Variants in EHD4 observed in about 807,000 individuals in gnomAD.
EHD4 encodes EH domain containing 4, also known as EH domain-containing protein 4.
Under a neutral mutation model 51.0 loss-of-function variants are expected in EHD4, and 37 were observed. That is an observed-to-expected ratio of 0.73 (90% confidence interval 0.56 to 0.95). EHD4 has a LOEUF of 0.95. EHD4 is among the 40% of genes least tolerant of loss of function. The probability of loss-of-function intolerance (pLI) is 0.00; values close to 1 mark genes in which losing one functional copy is unlikely to be tolerated. For synonymous variants in EHD4, 297 were observed against 317.3 expected, an observed-to-expected ratio of 0.94 and a Z score of 0.68; for missense variants, 632 against 733.1, an observed-to-expected ratio of 0.86 and a Z score of 1.59.
At chr15:41,971,599 T>C (rs1442573230) in intron 1 of EHD4, among the ~76,000 whole-genome samples, 1 of 152,216 alleles carries the variant, frequency 6.6e-6, no homozygotes. Context: ...ATGACCCACC[T>C]AAGAAATGGA....
At chr15:41,920,700 G>A (rs1220412684) in intron 3 of EHD4, among the ~76,000 whole-genome samples, 1 of 152,030 alleles carries the variant, frequency 6.6e-6, no homozygotes, top group Non-Finnish European at 1.5e-5. Flanking sequence ...ACCAAGTATC[G>A]TTTCTTTAGA....
Position 41,901,144 on chromosome 15 carries a change from G to T in EHD4, c.1127C>A (p.Ser376Ter). The T allele has an allele frequency of 6.4e-7, 1 of 1,571,972 alleles. No individual in the cohort carries two copies. The change falls in exon 6 of 6, where the codon TCG (serine) becomes TAG (stop). Residue 376 changes from serine (S) to a stop codon, truncating the protein, a stop_gained. Coordinates refer to ENST00000220325, the MANE Select transcript of EHD4 (RefSeq NM_139265.4). LOFTEE classifies it high-confidence loss of function. ...TGCCTCGATCAGCTTGGGCTTCAGCGAGTGGAATTTGGTGAAGTCATAGTT... is the reference window on the plus strand; with the variant it reads ...TGCCTCGATCAGCTTGGGCTTCAGCTAGTGGAATTTGGTGAAGTCATAGTT... ...LENYDFTKFH[S>*]LKPKLIEAVD...
In EHD4 at chr15:41,898,554, T is replaced by G. The variant is rs1426055747; in HGVS notation, c.*2091A>C. The G allele has an allele frequency of 6.6e-6, 1 of 152,236 alleles. No homozygotes were observed. The highest frequency in any genetic ancestry group is 6.5e-5 in the Admixed American group (1 of 15,284). The allele number at this position is 152,236 out of a possible 1,614,324, so 9.4% of individuals were successfully genotyped here. A position where few individuals can be genotyped will look rare whatever the true frequency, so the allele number is the denominator to read the frequency against. On this transcript the variant is annotated 3_prime_UTR_variant, in exon 6 of 6. Transcript: ENST00000220325. ...CACCGTGGCTGCAGACTTCAGGTGG[T>G]CCTCACGCATTCACAGAACTGTCTG... is the stretch of plus-strand genomic sequence containing the variant.
intron 3 of EHD4, among the ~76,000 whole-genome samples, chr15:41,927,472 G>A (rs1383151141): frequency 6.6e-6 from 1 of 152,166 alleles, no homozygotes; most frequent in African/African-American, 2.4e-5. Flanking sequence ...AACGGATAGA[G>A]AAAATGTGGT....
In EHD4 at chr15:41,909,688, G is replaced by A; in HGVS notation, c.1089+11C>T. On this transcript the variant is annotated intron_variant, in intron 5 of 5. Coordinates refer to ENST00000220325, the MANE Select transcript of EHD4 (RefSeq NM_139265.4). ...CCCTCTGCCCGTGACATTGTAGTGG[G>A]CTCCCAGTACCTGCATAGCCTTGAC... The A allele has an allele frequency of 6.2e-7, 1 of 1,613,966 alleles. No homozygotes were observed. The highest frequency in any genetic ancestry group is 8.5e-7 in the Non-Finnish European group (1 of 1,179,862).
chr15:41,972,345 C>T lies in EHD4; in HGVS notation c.150G>A (p.Ser50=). Residue 50 remains serine, a synonymous_variant, in exon 1 of 6, where the codon TCG becomes TCA. Coordinates refer to ENST00000220325, the MANE Select transcript of EHD4 (RefSeq NM_139265.4). The part of the protein sequence containing the change: ...EEAYRFHEFH[S]PALEDADFEN... ...CGAAGTCGGCGTCCTCCAGCGCAGG[C>T]GAGTGGAACTCGTGGAAGCGGTACG... 6.2e-7 allele frequency: 1 copy of T among 1,611,482 alleles called. No individual in the cohort carries two copies. Among genetic ancestry groups the T allele is most frequent in the Non-Finnish European group, 8.5e-7 (1 of 1,178,870 alleles).
At chr15:41,908,999 T>A (rs1005447688) in intron 5 of EHD4, among the ~76,000 whole-genome samples, 1 of 152,232 alleles carries the variant, frequency 6.6e-6, no homozygotes, top group Admixed American at 6.5e-5. Flanking sequence ...CCTGGCTCTG[T>A]GAGGACTGTC....
intron 5 of EHD4, chr15:41,908,215 C>T (rs1013787147): frequency 6.6e-6 from 1 of 152,116 alleles, no homozygotes; most frequent in East Asian, 1.9e-4. Context: ...TGGGTCAGAT[C>T]AAATATATTA....
intron 3 of EHD4, among the ~76,000 whole-genome samples, chr15:41,933,797 T>C (rs1488533673): frequency 2.0e-5 from 3 of 152,152 alleles, no homozygotes; most frequent in Non-Finnish European, 4.4e-5. Context: ...CTTCTTTATT[T>C]TCATTAGGGG....
chr15:41,944,636 C>T (rs943597524), intron 2 of EHD4, among the ~76,000 whole-genome samples: 1 of 152,086 alleles, frequency 6.6e-6, no homozygotes, highest in Non-Finnish European at 1.5e-5. Flanking sequence ...ATTTTCAAAT[C>T]GGCCCAGGAA....
At chr15:41,968,775 T>C (rs921274570) in intron 1 of EHD4, among the ~76,000 whole-genome samples, 1 of 152,228 alleles carries the variant, frequency 6.6e-6, no homozygotes, top group South Asian at 2.1e-4. Flanking sequence ...GACTGAATTG[T>C]TTTGGTTTTT....
intron 4 of EHD4, among the ~76,000 whole-genome samples, chr15:41,912,705 A>G (rs74707713): frequency 0.067 from 10,237 of 152,180 alleles, 403 homozygotes; most frequent in South Asian, 0.094. Context: ...AAAAAAAGAA[A>G]AAAAAATTCA....
At chr15:41,908,393 C>T (rs1309105075) in intron 5 of EHD4, 1 of 152,216 alleles carries the variant, frequency 6.6e-6, no homozygotes, top group African/African-American at 2.4e-5. Context: ...CCCGACCTTC[C>T]CTTCTCCCTG....
chr15:41,905,957 C>T (rs1211791291), intron 5 of EHD4, among the ~76,000 whole-genome samples: 2 of 152,246 alleles, frequency 1.3e-5, no homozygotes, highest in Non-Finnish European at 2.9e-5. Context: ...CAGGCGTAAG[C>T]CACTATGTCC....
intron 5 of EHD4, among the ~76,000 whole-genome samples, chr15:41,904,277 T>C (rs1259564392): frequency 1.3e-5 from 2 of 152,034 alleles, no homozygotes; most frequent in East Asian, 3.9e-4. Flanking sequence ...TGGCCGCATA[T>C]TTGCAGGGGT....
At chr15:41,952,040 A>C (rs2067855457) in intron 2 of EHD4, among the ~76,000 whole-genome samples, 1 of 152,240 alleles carries the variant, frequency 6.6e-6, no homozygotes, top group Non-Finnish European at 1.5e-5. Flanking sequence ...TTTGATTTGC[A>C]ATAGGATCAT....
intron 4 of EHD4, among the ~76,000 whole-genome samples, chr15:41,912,743 T>C (rs546240792): frequency 2.6e-5 from 4 of 152,230 alleles, no homozygotes; most frequent in East Asian, 1.9e-4. Context: ...TTATAATCCT[T>C]AGCATCATGA....
At chr15:41,918,217 T>TACACAC (rs10682608) in intron 4 of EHD4, among the ~76,000 whole-genome samples, 2,002 of 147,202 alleles carry the variant, frequency 0.014, 17 homozygotes, top group African/African-American at 0.027. Flanking sequence ...CAGGGAGCTT[T>TACACAC]ACACACACAC....
At chr15:41,935,016 G>T (rs1566822436) in intron 3 of EHD4, among the ~76,000 whole-genome samples, 1 of 152,114 alleles carries the variant, frequency 6.6e-6, no homozygotes, top group Non-Finnish European at 1.5e-5. Flanking sequence ...AGGTGGCGGG[G>T]GGGCCTCCTG....
Sources: gnomAD v4.1 joint callset for allele counts (sites outside exome capture counted in the v4.1 genomes callset) on GRCh38, gnomAD v4.1.1 for gene constraint, MANE v1.5 for transcripts, NCBI Gene and HGNC (gene_info 2026-07-23, HGNC 2026-07-21) for gene names.